The following ITFG2 variants were observed in gnomAD, a reference collection of about 807,000 sequenced individuals.
ITFG2 encodes the protein integrin alpha FG-GAP repeat containing 2.
A neutral mutation model predicts 54.4 loss-of-function variants in ITFG2; 36 were observed. The observed-to-expected ratio is 0.66, with a 90% confidence interval of 0.51 to 0.87. ITFG2 has a LOEUF of 0.87. ITFG2 is among the 40% of genes least tolerant of loss of function. The probability of loss-of-function intolerance (pLI) is 0.00; values close to 1 mark genes in which losing one functional copy is unlikely to be tolerated. For synonymous variants in ITFG2, 211 were observed against 225.4 expected (o/e 0.94, Z 0.57); for missense variants, 524 against 576.7 (o/e 0.91, Z 0.94).
chr12:2,827,031 T>G, downstream of ITFG2: 3 of 1,444,532 alleles, frequency 2.1e-6, no homozygotes, highest in South Asian at 4.4e-5. This position sits in a 1 kb window ranked among gnomAD's most constrained non-coding sequence, Gnocchi z 4.0. Context: ...GGACAGCTGC[T>G]GAGAAGCAGA....
Position 2,844,065 on chromosome 12 carries a change from G to A in ITFG2, n.300+3070G>A, listed in dbSNP as rs904108951. Among the ~76,000 whole-genome samples, 26 of 146,250 alleles carry A rather than the reference G, an allele frequency of 1.8e-4. 3 individuals are homozygous for A. The highest frequency in any genetic ancestry group is 7.6e-4 in the Admixed American group (11 of 14,396). On this transcript the variant is annotated intron_variant and non_coding_transcript_variant, in intron 2 of 3. Coordinates refer to the ITFG2 transcript ENST00000537710. Reference sequence around the variant, plus strand: ...TCTTGAGCCCAGGAGTTCAGCCTGGGCAAGCATGGCGAAACCCCATCTCTA... The same window carrying A: ...TCTTGAGCCCAGGAGTTCAGCCTGGACAAGCATGGCGAAACCCCATCTCTA...
chr12:2,827,987 C>A, downstream of ITFG2: 1 of 1,614,226 alleles, frequency 6.2e-7, no homozygotes. The surrounding 1 kb of genome is among the most constrained non-coding windows in gnomAD (Gnocchi z 4.0). Context: ...ACTGCTCCAC[C>A]TGGGTTGGGG....
chr12:2,831,307 G>A (rs1183498571), downstream of ITFG2, among the ~76,000 whole-genome samples: 1 of 151,916 alleles, frequency 6.6e-6, no homozygotes, highest in East Asian at 1.9e-4. Context: ...AACTAGGCCA[G>A]GCGTGGTGGC....
chr12:2,840,294 CA>C (rs887517179), intron 1 of ITFG2, among the ~76,000 whole-genome samples: 9 of 150,208 alleles, frequency 6.0e-5, no homozygotes, highest in South Asian at 2.1e-4. Context: ...ACTAAAAATA[CA>C]AAAAAAAATT....
chr12:2,857,025 A>G (rs1158511333), intron 2 of ITFG2: 3 of 702,810 alleles, frequency 4.3e-6, no homozygotes, highest in Non-Finnish European at 7.8e-6. Context: ...GTTACTGGCC[A>G]TTCTTCTGGG....
chr12:2,855,977 C>G (rs1015167680), intron 2 of ITFG2, among the ~76,000 whole-genome samples: 2 of 152,090 alleles, frequency 1.3e-5, no homozygotes, highest in African/African-American at 4.8e-5. Flanking sequence ...CGCTTTCCTC[C>G]CACTCCTCAT....
intron 3 of ITFG2, chr12:2,858,560 C>G (rs1038734962): frequency 1.9e-5 from 25 of 1,308,728 alleles, no homozygotes; most frequent in Non-Finnish European, 2.5e-5. Flanking sequence ...GCTGTCCTCA[C>G]TCAGAGGCTT....
intron 2 of ITFG2, chr12:2,830,439 CACTGA>C: frequency 3.4e-5 from 13 of 384,704 alleles, no homozygotes; most frequent in South Asian, 9.7e-5. Flanking sequence ...GTGTAGAGCA[CACTGA>C]GGAGTACTTA....
chr12:2,837,459 CAGAG>C (rs1373700581), intron 1 of ITFG2, among the ~76,000 whole-genome samples: 2 of 151,392 alleles, frequency 1.3e-5, no homozygotes, highest in African/African-American at 4.9e-5. Flanking sequence ...GCCTAGGCGA[CAGAG>C]AGAGACTCCG....
In ITFG2 at chr12:2,859,310, C is replaced by T. The variant is rs376296010; in HGVS notation, n.621-224C>T. ...GCTGTTTTCTCCGAGACCGGCTCCT[C>T]TCCCTCCTCTCCCTGTGTTGAATCA... is the stretch of plus-strand genomic sequence containing the variant. On this transcript the variant is annotated intron_variant and non_coding_transcript_variant, in intron 3 of 3. Coordinates refer to the ITFG2 transcript ENST00000537710. The T allele has an allele frequency of 5.8e-5, 94 of 1,612,890 alleles. No homozygotes were observed. In the South Asian group the frequency reaches 6.6e-4, roughly 11 times the overall value.
At chr12:2,849,255 C>T (rs1025624627) in intron 2 of ITFG2, 4 of 1,536,064 alleles carry the variant, frequency 2.6e-6, no homozygotes, top group African/African-American at 2.7e-5. Context: ...GTCTTCTCTT[C>T]CTCTTCCTTG....
At chr12:2,821,232 C>A in intron 6 of ITFG2, 30 bp from the exon 7 acceptor site, 1 of 1,558,852 alleles carries the variant, frequency 6.4e-7, no homozygotes, top group Non-Finnish European at 8.7e-7. Flanking sequence ...ACTTGGTCTC[C>A]CGCTTGATCC....
At chr12:2,846,388 A>G (rs1188822958) in intron 2 of ITFG2, among the ~76,000 whole-genome samples, 4 of 152,072 alleles carry the variant, frequency 2.6e-5, no homozygotes, top group African/African-American at 9.7e-5. Flanking sequence ...CCCACCCTCT[A>G]ACCATGCCCA....
downstream of ITFG2, chr12:2,827,515 A>G: frequency 6.3e-7 from 1 of 1,576,292 alleles, no homozygotes; most frequent in Non-Finnish European, 8.6e-7. The surrounding 1 kb of genome is among the most constrained non-coding windows in gnomAD (Gnocchi z 4.0). Flanking sequence ...GCAAAGGGAC[A>G]GTTGCCCATC....
At chr12:2,846,820 A>G (rs923123202) in intron 2 of ITFG2, among the ~76,000 whole-genome samples, 2 of 151,956 alleles carry the variant, frequency 1.3e-5, no homozygotes, top group African/African-American at 4.8e-5. Flanking sequence ...CATGTAAGAC[A>G]ATCACGGACA....
chr12:2,856,274 G>T (rs1179420000), intron 2 of ITFG2, among the ~76,000 whole-genome samples: 1 of 152,182 alleles, frequency 6.6e-6, no homozygotes, highest in East Asian at 1.9e-4. Context: ...ATACCATGCT[G>T]GGTGAAATGA....
chr12:2,838,422 G>T (rs2098033544), intron 1 of ITFG2, among the ~76,000 whole-genome samples: 1 of 152,152 alleles, frequency 6.6e-6, no homozygotes, highest in Non-Finnish European at 1.5e-5. Flanking sequence ...CAACATGGAT[G>T]GGCTGTCCCA....
At chr12:2,859,355 C>G (rs2098103486) in intron 3 of ITFG2, 1 of 1,613,826 alleles carries the variant, frequency 6.2e-7, no homozygotes. Context: ...CCGAGACACA[C>G]CGGGTTGGGG....
At chr12:2,849,395 G>A in intron 2 of ITFG2, 1 of 1,536,178 alleles carries the variant, frequency 6.5e-7, no homozygotes. Context: ...GCCAGCTTTA[G>A]CACCTTCTCC....
Sources: gnomAD v4.1 joint callset for allele counts (sites outside exome capture counted in the v4.1 genomes callset) on GRCh38, gnomAD v4.1.1 for gene constraint, Gnocchi (gnomAD v3.1) non-coding constraint, MANE v1.5 for transcripts, NCBI Gene and HGNC (gene_info 2026-07-23, HGNC 2026-07-21) for gene names.